Variants in SLC14A2 observed in about 807,000 individuals in gnomAD.
The protein encoded by SLC14A2 is urea transporter 2.
In SLC14A2, 91 loss-of-function variants were observed where a neutral mutation model predicts 104.6. The observed-to-expected ratio is 0.87, with a 90% CI of 0.73 to 1.04. SLC14A2 has a LOEUF of 1.04. Ranked by LOEUF, SLC14A2 falls within the 50% of genes least tolerant of loss-of-function variation. SLC14A2 has a pLI of 0.00. For synonymous variants in SLC14A2, 476 were observed against 466.4 expected, an observed-to-expected ratio of 1.02 and a Z score of -0.27; for missense variants, 1,189 against 1,156.0, an observed-to-expected ratio of 1.03 and a Z score of -0.41.
intron 1 of SLC14A2, among the ~76,000 whole-genome samples, chr18:45,473,227 T>A (rs2087285790): frequency 6.6e-6 from 1 of 152,180 alleles, no homozygotes; most frequent in Admixed American, 6.5e-5. Flanking sequence ...TTCTGTTCCA[T>A]TGGTCTATAT....
intron 2 of SLC14A2, among the ~76,000 whole-genome samples, chr18:45,520,580 G>A (rs1395568030): frequency 1.3e-5 from 2 of 152,196 alleles, no homozygotes; most frequent in African/African-American, 4.8e-5. Context: ...AACTTTGCAT[G>A]TCAAATGAGC....
intron 10 of SLC14A2, 108 bp downstream of exon 10, chr18:45,644,268 T>C: frequency 9.2e-7 from 1 of 1,089,090 alleles, no homozygotes; most frequent in Non-Finnish European, 1.4e-6. Flanking sequence ...TCTTTGCCTC[T>C]CCTTGCACCT....
chr18:45,644,562 G>C (rs2144565203), intron 10 of SLC14A2, among the ~76,000 whole-genome samples: 1 of 152,286 alleles, frequency 6.6e-6, no homozygotes, highest in East Asian at 1.9e-4. Flanking sequence ...ACACAGAGTA[G>C]GGGGGTAAGT....
chr18:45,299,036 T>C (rs561953267), intron 1 of SLC14A2, among the ~76,000 whole-genome samples: 1 of 151,736 alleles, frequency 6.6e-6, no homozygotes, highest in African/African-American at 2.4e-5. Context: ...GGCTAAAAGG[T>C]AGTTTTGTTT....
chr18:45,313,306 G>A (rs1369788009), intron 1 of SLC14A2, among the ~76,000 whole-genome samples: 3 of 152,144 alleles, frequency 2.0e-5, no homozygotes, highest in Non-Finnish European at 4.4e-5. Context: ...TCCACACTAG[G>A]AATATGAGGA....
At chr18:45,450,799 G>C (rs2852300) in intron 1 of SLC14A2, among the ~76,000 whole-genome samples, 37,567 of 152,140 alleles carry the variant, frequency 0.25, 4,860 homozygotes, top group South Asian at 0.4. Context: ...AAGGATTTGA[G>C]TGCAAACCAT....
chr18:45,673,973 G>A (rs546526478), intron 18 of SLC14A2, among the ~76,000 whole-genome samples, 156 bp downstream of exon 18: 2 of 152,306 alleles, frequency 1.3e-5, no homozygotes, highest in South Asian at 4.1e-4. Context: ...GGTGGTGGAG[G>A]TTTGATTGTT....
At chr18:45,611,035 G>A (rs564299628), upstream of SLC14A2, among the ~76,000 whole-genome samples, 1 of 152,314 alleles carries the variant, frequency 6.6e-6, no homozygotes, top group East Asian at 1.9e-4. Context: ...GGCACACCCA[G>A]GTGCTCCACT....
intron 1 of SLC14A2, among the ~76,000 whole-genome samples, chr18:45,338,936 T>TA (rs2144277424): frequency 6.7e-6 from 1 of 149,514 alleles, no homozygotes; most frequent in South Asian, 2.1e-4. Flanking sequence ...TAGATTCTTA[T>TA]ACCTTTTTTT....
intron 1 of SLC14A2, among the ~76,000 whole-genome samples, chr18:45,362,280 G>A (rs1030642254): frequency 6.6e-6 from 1 of 152,194 alleles, no homozygotes; most frequent in Non-Finnish European, 1.5e-5. Flanking sequence ...TGCAGTCTCA[G>A]GTAGTTCTTT....
intron 1 of SLC14A2, among the ~76,000 whole-genome samples, chr18:45,409,020 G>A (rs541986906): frequency 2.6e-5 from 4 of 152,120 alleles, no homozygotes; most frequent in Non-Finnish European, 4.4e-5. Context: ...TTCTTGGACC[G>A]TTCACATACC....
chr18:45,625,766 G>C lies in SLC14A2; in HGVS notation c.234G>C (p.Val78=), dbSNP rs2045247577. The change falls in exon 3 of 20, where the codon GTG becomes GTC. Residue 78 remains valine, a synonymous_variant. Transcript: ENST00000255226. ...NERSKRKDDG[V]AHRDSAGQRC... Reference sequence around the variant, plus strand: ...GGAGTAAAAGGAAAGACGACGGGGTGGCCCATCGGGACTCAGCAGGCCAAA... The same window carrying C: ...GGAGTAAAAGGAAAGACGACGGGGTCGCCCATCGGGACTCAGCAGGCCAAA... 6.4e-7 allele frequency: 1 copy of C among 1,563,548 alleles called. No individual in the cohort carries two copies. Among genetic ancestry groups the C allele is most frequent in the East Asian group, 2.4e-5 (1 of 40,862 alleles).
At chr18:45,608,534 A>G (rs543361150) in intron 2 of SLC14A2, among the ~76,000 whole-genome samples, 3 of 152,176 alleles carry the variant, frequency 2.0e-5, no homozygotes, top group South Asian at 4.2e-4. Flanking sequence ...GCTCATCAAC[A>G]CTCACCCTCC....
the SLC14A2 span, among the ~76,000 whole-genome samples, chr18:45,171,898 C>T: frequency 6.6e-6 from 1 of 152,040 alleles, no homozygotes; most frequent in East Asian, 1.9e-4. Context: ...TCCCTAAGGC[C>T]CAACTTCTTT....
At position 45,479,188 on chromosome 18, in the gene SLC14A2, T is replaced by C. The variant is rs146781437; in HGVS notation, c.-124-4045T>C. Among the ~76,000 whole-genome samples the C allele has an allele frequency of 1.9e-3, 283 of 152,330 alleles. 2 individuals are homozygous for C. Among genetic ancestry groups the C allele is most frequent in the South Asian group, 0.018 (88 of 4,830 alleles). On this transcript the variant is annotated intron_variant, in intron 1 of 20. Transcript: ENST00000586448. Reference sequence around the variant, plus strand: ...CAAAAGGAAGTGGGCAGGGCTATCTTAACAACACTGTCTTAAAAGTAAAGC... The same window carrying C: ...CAAAAGGAAGTGGGCAGGGCTATCTCAACAACACTGTCTTAAAAGTAAAGC...
chr18:45,630,237 G>A (rs918732042), intron 4 of SLC14A2, among the ~76,000 whole-genome samples: 2 of 152,098 alleles, frequency 1.3e-5, no homozygotes, highest in African/African-American at 4.8e-5. Flanking sequence ...CTGCATCATA[G>A]GCTCAAAGCT....
chr18:45,442,509 G>A (rs543554059), intron 1 of SLC14A2, among the ~76,000 whole-genome samples: 1 of 152,246 alleles, frequency 6.6e-6, no homozygotes, highest in African/African-American at 2.4e-5. Context: ...CTCCCTTTGT[G>A]TATGTCTCTA....
At chr18:45,673,885 G>T in intron 18 of SLC14A2, 68 bp downstream of exon 18, 1 of 1,490,196 alleles carries the variant, frequency 6.7e-7, no homozygotes, top group Non-Finnish European at 9.3e-7. Flanking sequence ...GTTTTTTTAT[G>T]TTTTTTAATG....
the SLC14A2 span, among the ~76,000 whole-genome samples, chr18:45,192,105 C>T: frequency 6.6e-6 from 1 of 152,188 alleles, no homozygotes; most frequent in South Asian, 2.1e-4. Context: ...TTGAACCCCT[C>T]TTCCCTGCAG....
Sources: gnomAD v4.1 joint callset for allele counts (sites outside exome capture counted in the v4.1 genomes callset) on GRCh38, gnomAD v4.1.1 for gene constraint, MANE v1.5 for transcripts, NCBI Gene and HGNC (gene_info 2026-07-23, HGNC 2026-07-21) for gene names.